The following OTOG variants were observed in gnomAD, a reference collection of about 807,000 sequenced individuals.
OTOG encodes otogelin.
Under a neutral mutation model 313.8 loss-of-function variants are expected in OTOG, and 296 were observed. That is an observed-to-expected ratio of 0.94 (90% CI 0.86 to 1.04). The LOEUF is 1.04. Ranked by LOEUF, OTOG falls within the 50% of genes least tolerant of loss-of-function variation. The pLI is 0.00. For synonymous variants in OTOG, 1,533 were observed against 1,554.9 expected, an observed-to-expected ratio of 0.99 and a Z score of 0.33; for missense variants, 3,948 against 3,840.1, an observed-to-expected ratio of 1.03 and a Z score of -0.74.
chr11:17,598,173 G>C (rs567106175), intron 30 of OTOG, among the ~76,000 whole-genome samples: 1 of 152,194 alleles, frequency 6.6e-6, no homozygotes, highest in East Asian at 1.9e-4. Flanking sequence ...TGCAAGACTA[G>C]GGGGAGGTGA....
chr11:17,608,069 C>G (rs150818160), intron 33 of OTOG, among the ~76,000 whole-genome samples: 1 of 152,214 alleles, frequency 6.6e-6, no homozygotes, highest in Non-Finnish European at 1.5e-5. Flanking sequence ...CAGTCCTTCC[C>G]TGTCCTCAGT....
chr11:17,561,905 T>C (rs1324707072), intron 15 of OTOG, 98 bp downstream of exon 15: 1 of 1,427,664 alleles, frequency 7.0e-7, no homozygotes, highest in Non-Finnish European at 9.5e-7. Flanking sequence ...GGTCTTCCCA[T>C]GGCCCCCACC....
chr11:17,552,096 G>A (rs1338700316), intron 4 of OTOG, 21 bp downstream of exon 4: 3 of 1,549,178 alleles, frequency 1.9e-6, no homozygotes, highest in Non-Finnish European at 2.6e-6. Flanking sequence ...CCTTCACTGT[G>A]GTCCATGGGT....
At chr11:17,615,901 C>G (rs1408954311) in intron 39 of OTOG, among the ~76,000 whole-genome samples, 1 of 151,874 alleles carries the variant, frequency 6.6e-6, no homozygotes, top group Non-Finnish European at 1.5e-5. Context: ...GCACTCCAGC[C>G]TGGGCAACAA....
chr11:17,567,553 C>T (rs1852314383), intron 15 of OTOG, among the ~76,000 whole-genome samples: 1 of 152,292 alleles, frequency 6.6e-6, no homozygotes, highest in South Asian at 2.1e-4. Flanking sequence ...GTATGTTGAG[C>T]AGGCTGGTCT....
At chr11:17,574,237 G>A (rs1308522980) in intron 19 of OTOG, among the ~76,000 whole-genome samples, 3 of 152,184 alleles carry the variant, frequency 2.0e-5, no homozygotes, top group African/African-American at 4.8e-5. Flanking sequence ...GACAAAGGGA[G>A]CAAAACAGGC....
chr11:17,561,617 C>T (rs1285105103), intron 14 of OTOG, 45 bp from the exon 15 acceptor site: 7 of 1,549,144 alleles, frequency 4.5e-6, no homozygotes, highest in Non-Finnish European at 5.2e-6. Context: ...GCAGAGTTCC[C>T]CTGGGGCGGC....
In OTOG at chr11:17,609,987, C is replaced by T; in HGVS notation, c.4687C>T (p.His1563Tyr). 6.5e-7 allele frequency: 1 copy of T among 1,544,026 alleles called. No individual in the cohort carries two copies. Among genetic ancestry groups the T allele is most frequent in the Non-Finnish European group, 8.8e-7 (1 of 1,142,778 alleles). ...GACTGCCAGCCTCCTGGCCATCCCCCATACACCAGAGTCCTCATCCCTCCC... is the reference window on the plus strand; with the variant it reads ...GACTGCCAGCCTCCTGGCCATCCCCTATACACCAGAGTCCTCATCCCTCCC... ...GVTASLLAIPHTPESSSLPVA... is the reference protein window; with the variant it reads ...GVTASLLAIPYTPESSSLPVA... The change falls in exon 36 of 56, where the codon CAT becomes TAT. Residue 1563 changes from histidine to tyrosine, a missense_variant. Physicochemically the swap from His to Tyr is moderately conservative, Grantham distance 83. Transcript: ENST00000399397.
intron 31 of OTOG, among the ~76,000 whole-genome samples, chr11:17,599,933 C>T (rs1427636335): frequency 6.6e-6 from 1 of 152,214 alleles, no homozygotes; most frequent in African/African-American, 2.4e-5. Context: ...CAGGCCAGCT[C>T]CCGGGGACTG....
At chr11:17,608,106 C>G (rs921851573) in intron 33 of OTOG, among the ~76,000 whole-genome samples, 190 bp from the exon 34 acceptor site, 2 of 152,142 alleles carry the variant, frequency 1.3e-5, no homozygotes, top group Admixed American at 6.5e-5. Context: ...AGAGCCCCGT[C>G]CCCAGGATCC....
rs1853652444 is a variant in OTOG, at chr11:17,613,623, C to T, written c.6450C>T (p.Asn2150=). The T allele has an allele frequency of 6.4e-7, 1 of 1,550,556 alleles. No homozygotes were observed. The highest frequency in any genetic ancestry group is 1.4e-5 in the African/African-American group (1 of 73,022). The change falls in exon 39 of 56, where the codon AAC becomes AAT. Residue 2150 remains asparagine (N), a synonymous_variant. Coordinates refer to ENST00000399397, the MANE Select transcript of OTOG (RefSeq NM_001292063.2). ...DCKSANLGHL[N]WPPFCLVMLN... Reference sequence around the variant, plus strand: ...GGTTCTCTCTGCAGGGGCACCTGAACTGGCCCCCGTTCTGTCTGGTGATGT... The same window carrying T: ...GGTTCTCTCTGCAGGGGCACCTGAATTGGCCCCCGTTCTGTCTGGTGATGT...
chr11:17,558,528 C>T lies in OTOG; in HGVS notation c.997-10C>T. The T allele has an allele frequency of 6.4e-7, 1 of 1,550,438 alleles. No homozygotes were observed. The highest frequency in any genetic ancestry group is 1.2e-5 in the South Asian group (1 of 84,064). On this transcript the variant is annotated splice_polypyrimidine_tract_variant and intron_variant, in intron 9 of 55. Transcript: ENST00000399397. ...AGCCCCTAGCCCTGGCTCCTGGTCC[C>T]TTGCTCTAGGGCGTGTACGAGCAGT...
intron 15 of OTOG, among the ~76,000 whole-genome samples, chr11:17,567,388 G>C (rs1852311372): frequency 6.6e-6 from 1 of 152,224 alleles, no homozygotes; most frequent in Non-Finnish European, 1.5e-5. Context: ...TCATTTCACT[G>C]TGTCACTCTC....
intron 18 of OTOG, among the ~76,000 whole-genome samples, chr11:17,572,831 T>C (rs1446446883): frequency 6.6e-6 from 1 of 152,230 alleles, no homozygotes; most frequent in Non-Finnish European, 1.5e-5. Flanking sequence ...ATGAATTTTT[T>C]AGTGACTGTC....
At chr11:17,613,895 A>G (rs1460997940) in intron 39 of OTOG, among the ~76,000 whole-genome samples, 194 bp downstream of exon 39, 3 of 151,980 alleles carry the variant, frequency 2.0e-5, no homozygotes, top group African/African-American at 4.8e-5. Flanking sequence ...GGCCACACCA[A>G]TGTCAGGGGA....
intron 30 of OTOG, among the ~76,000 whole-genome samples, chr11:17,597,444 C>T (rs1157171506): frequency 1.3e-5 from 2 of 152,200 alleles, no homozygotes; most frequent in African/African-American, 2.4e-5. Context: ...AAGGTTGACT[C>T]TGAGGACCAA....
chr11:17,632,075 T>G lies in OTOG; in HGVS notation c.6934-13T>G, dbSNP rs1349804857. 6.4e-7 allele frequency: 1 copy of G among 1,550,418 alleles called. No individual in the cohort carries two copies. On this transcript the variant is annotated splice_polypyrimidine_tract_variant and intron_variant, in intron 41 of 55. Transcript: ENST00000399397. ...CATCCGAGTAACCAGCACTGCCTGA[T>G]GCATATGTCCAGGTGCCTCCGGAGT...
At chr11:17,552,348 T>C (rs1592059682) in intron 4 of OTOG, among the ~76,000 whole-genome samples, 2 of 152,288 alleles carry the variant, frequency 1.3e-5, no homozygotes, top group African/African-American at 4.8e-5. Flanking sequence ...TGTGCTTCAT[T>C]ATTTAGTGGT....
chr11:17,580,564 C>A (rs1412915496), intron 23 of OTOG, among the ~76,000 whole-genome samples: 3 of 152,232 alleles, frequency 2.0e-5, no homozygotes, highest in Non-Finnish European at 4.4e-5. Flanking sequence ...ACAGCAGGTG[C>A]TCAGAGATGC....
Sources: gnomAD v4.1 joint callset for allele counts (sites outside exome capture counted in the v4.1 genomes callset) on GRCh38, gnomAD v4.1.1 for gene constraint, MANE v1.5 for transcripts, NCBI Gene and HGNC (gene_info 2026-07-23, HGNC 2026-07-21) for gene names.